The following NOL7 variants were observed in gnomAD, a reference collection of about 807,000 sequenced individuals.
NOL7 encodes nucleolar protein 7, also known as U3 small nucleolar RNA-associated protein NOL7.
NOL7 carries 36 observed loss-of-function variants against 38.4 expected under a neutral mutation model. The observed-to-expected ratio is 0.94, with a 90% CI of 0.72 to 1.24. NOL7 has a LOEUF of 1.24. NOL7 is among the 50% of genes most tolerant of loss of function. The probability of loss-of-function intolerance (pLI) is 0.00; values close to 1 mark genes in which losing one functional copy is unlikely to be tolerated. For missense variants in NOL7, 350 were observed against 315.1 expected (o/e 1.11, Z -0.84); for synonymous variants, 142 against 126.5 (o/e 1.12, Z -0.82).
downstream of NOL7, among the ~76,000 whole-genome samples, chr6:13,626,703 A>C (rs1327835108): frequency 1.3e-5 from 2 of 152,228 alleles, no homozygotes; most frequent in East Asian, 3.8e-4. Context: ...AGAAACTGTC[A>C]ATTTGTGAGT....
downstream of NOL7, among the ~76,000 whole-genome samples, chr6:13,623,663 T>C (rs1210965001): frequency 6.6e-6 from 1 of 152,172 alleles, no homozygotes; most frequent in East Asian, 1.9e-4. Context: ...TTAACTTTTT[T>C]GGATGTATGA....
intron 8 of NOL7, among the ~76,000 whole-genome samples, chr6:13,629,444 T>G (rs1299494930): frequency 6.6e-6 from 1 of 152,126 alleles, no homozygotes; most frequent in Non-Finnish European, 1.5e-5. Context: ...ATATGTAGCA[T>G]TATGGGTTAT....
intron 2 of NOL7, 64 bp downstream of exon 2, chr6:13,615,836 G>T: frequency 6.7e-7 from 1 of 1,498,664 alleles, no homozygotes; most frequent in Non-Finnish European, 9.1e-7. Flanking sequence ...TCCTATGGTG[G>T]ATGTAATTTG....
At chr6:13,631,775 G>C (rs1764789110) in intron 8 of NOL7, among the ~76,000 whole-genome samples, 2 of 152,116 alleles carry the variant, frequency 1.3e-5, no homozygotes, top group Admixed American at 1.3e-4. Context: ...CCTTCAACTG[G>C]TACACAAAAC....
intron 5 of NOL7, among the ~76,000 whole-genome samples, chr6:13,618,752 G>A (rs868821671): frequency 6.6e-5 from 10 of 152,086 alleles, no homozygotes; most frequent in African/African-American, 1.9e-4. Flanking sequence ...TAAGCTGGGC[G>A]TGCTGGTGTG....
chr6:13,630,420 TA>T (rs1403196366), intron 8 of NOL7, among the ~76,000 whole-genome samples: 1 of 152,064 alleles, frequency 6.6e-6, no homozygotes, highest in Non-Finnish European at 1.5e-5. Context: ...AGTATAATCT[TA>T]AATTTTCAAA....
At chr6:13,630,518 T>TAA (rs61203161) in intron 8 of NOL7, among the ~76,000 whole-genome samples, 252 of 147,044 alleles carry the variant, frequency 1.7e-3, no homozygotes, top group South Asian at 4.3e-3. Flanking sequence ...TAAGAATTCT[T>TAA]AAAAAAAAAA....
intron 5 of NOL7, among the ~76,000 whole-genome samples, chr6:13,618,413 A>T (rs930310594): frequency 2.0e-5 from 3 of 149,904 alleles, no homozygotes; most frequent in Non-Finnish European, 4.4e-5. Context: ...GCGCCCGGCT[A>T]ATTTTTTGTA....
At chr6:13,615,845 T>G in intron 2 of NOL7, 73 bp downstream of exon 2, 3 of 1,463,866 alleles carry the variant, frequency 2.0e-6, no homozygotes, top group Non-Finnish European at 2.8e-6. Context: ...GGATGTAATT[T>G]GGGTTGGCAG....
rs1584901288 is a variant in NOL7 at position 13,620,061 on chromosome 6, G to GGCAAGTTGCTTGAACCTGGGAGGC, written c.501-146_501-123dup. Reference sequence around the variant, plus strand: ...TCCCACTATTCAGGAGGCTGAGGCAGGCAAGTTGCTTGAACCTGGGAGGCA... The same window carrying GGCAAGTTGCTTGAACCTGGGAGGC: ...TCCCACTATTCAGGAGGCTGAGGCAGGCAAGTTGCTTGAACCTGGGAGGCGCAAGTTGCTTGAACCTGGGAGGCA... On this transcript the variant is annotated intron_variant, in intron 5 of 7. Transcript: ENST00000451315. 14 of 782,130 alleles carry GGCAAGTTGCTTGAACCTGGGAGGC rather than the reference G, an allele frequency of 1.8e-5. No homozygotes were observed. In the East Asian group the frequency reaches 3.8e-4, roughly 21 times the overall value. 48.4% of individuals were successfully genotyped at this position (782,130 alleles called of 1,614,324 possible).
chr6:13,616,360 T>G (rs1764287531), intron 2 of NOL7, 103 bp from the exon 3 acceptor site: 1 of 718,342 alleles, frequency 1.4e-6, no homozygotes, highest in Non-Finnish European at 2.3e-6. Flanking sequence ...TTCATTTCTT[T>G]GCCTAGATGT....
chr6:13,615,395 G>T lies in NOL7; in HGVS notation c.37G>T (p.Ala13Ser), dbSNP rs768750065. Residue 13 changes from alanine to serine, a missense_variant, in exon 1 of 8, where the codon GCG becomes TCG. Physicochemically the swap from Ala to Ser is moderately conservative, Grantham distance 99. Transcript: ENST00000451315. ...QLRPRASRAPASAEAMVDEGQ... is the reference protein window; with the variant it reads ...QLRPRASRAPSSAEAMVDEGQ... ...CCGACCGCGAGCGTCTCGCGCCCCGGCGTCGGCGGAGGCGATGGTGGACGA... is the reference window on the plus strand; with the variant it reads ...CCGACCGCGAGCGTCTCGCGCCCCGTCGTCGGCGGAGGCGATGGTGGACGA... 5 of 1,531,072 alleles carry T rather than the reference G, an allele frequency of 3.3e-6. No individual in the cohort carries two copies. Among genetic ancestry groups the T allele is most frequent in the South Asian group, 2.5e-5 (2 of 81,126 alleles). 94.8% of individuals were successfully genotyped at this position (1,531,072 alleles called of 1,614,324 possible).
chr6:13,620,342 TG>T lies in NOL7; in HGVS notation c.622+15del, dbSNP rs747057797. 3 of 1,613,888 alleles carry T rather than the reference TG, an allele frequency of 1.9e-6. No individual in the cohort carries two copies. Among genetic ancestry groups the T allele is most frequent in the Non-Finnish European group, 1.7e-6 (2 of 1,179,938 alleles). Reference sequence around the variant, plus strand: ...AACAGGACTACTGGTAATTTTTTTATGGACTATTTTTCTCACTTTTTACTGC... The same window carrying T: ...AACAGGACTACTGGTAATTTTTTTATGACTATTTTTCTCACTTTTTACTGC... On this transcript the variant is annotated intron_variant, in intron 6 of 7. Transcript: ENST00000451315.
At chr6:13,618,793 A>G (rs1282610606) in intron 5 of NOL7, among the ~76,000 whole-genome samples, 1 of 152,166 alleles carries the variant, frequency 6.6e-6, no homozygotes, top group Non-Finnish European at 1.5e-5. Flanking sequence ...CCAGAGGCCA[A>G]GGTGGGAGGA....
downstream of NOL7, among the ~76,000 whole-genome samples, chr6:13,626,629 T>C (rs539203568): frequency 2.6e-5 from 4 of 152,314 alleles, no homozygotes; most frequent in African/African-American, 9.6e-5. Context: ...ATTATACAAA[T>C]ATAAAAATAG....
chr6:13,626,348 T>C (rs1038272732), downstream of NOL7, among the ~76,000 whole-genome samples: 11 of 152,206 alleles, frequency 7.2e-5, no homozygotes, highest in African/African-American at 1.9e-4. Flanking sequence ...CTACTTTATA[T>C]TTTTTGTCTT....
chr6:13,619,464 A>G (rs1435118723), intron 5 of NOL7, among the ~76,000 whole-genome samples: 1 of 152,242 alleles, frequency 6.6e-6, no homozygotes, highest in Non-Finnish European at 1.5e-5. Flanking sequence ...TTTAGCCACA[A>G]GATCAAATAT....
downstream of NOL7, among the ~76,000 whole-genome samples, chr6:13,624,398 T>C (rs911487741): frequency 4.6e-5 from 7 of 152,172 alleles, no homozygotes; most frequent in African/African-American, 1.7e-4. Flanking sequence ...GTTTGAAATA[T>C]GTGACTAAAA....
intron 8 of NOL7, chr6:13,632,322 T>C: frequency 1.3e-6 from 2 of 1,570,952 alleles, no homozygotes; most frequent in Non-Finnish European, 1.7e-6. Context: ...AAACTACATT[T>C]TAGTTCCTCT....
Sources: gnomAD v4.1 joint callset for allele counts (sites outside exome capture counted in the v4.1 genomes callset) on GRCh38, gnomAD v4.1.1 for gene constraint, MANE v1.5 for transcripts, NCBI Gene and HGNC (gene_info 2026-07-23, HGNC 2026-07-21) for gene names.